The following HIPK3 variants were observed in gnomAD, a reference collection of about 807,000 sequenced individuals.
HIPK3 encodes the protein homeodomain-interacting protein kinase 3.
Under a neutral mutation model 124.2 loss-of-function variants are expected in HIPK3, and 47 were observed. The observed-to-expected ratio is 0.38, with a 90% CI of 0.30 to 0.48. The LOEUF (loss-of-function observed/expected upper bound fraction) is 0.48, where lower values mean the gene tolerates loss of function less well. HIPK3 is among the 20% of genes least tolerant of loss of function. The pLI is 0.98. For synonymous variants in HIPK3, 482 were observed against 515.2 expected (o/e 0.94, Z 0.87); for missense variants, 1,286 against 1,454.3 (o/e 0.88, Z 1.88).
intron 1 of HIPK3, among the ~76,000 whole-genome samples, chr11:33,259,081 C>CT (rs1379935113): frequency 9.2e-5 from 14 of 152,158 alleles, no homozygotes. Flanking sequence ...TCTGCTGACA[C>CT]TTTTTCCCTT....
Position 33,339,472 on chromosome 11 carries a change from T to G in HIPK3, c.1551T>G (p.Ala517=). The G allele has an allele frequency of 1.9e-6, 3 of 1,613,250 alleles. No homozygotes were observed. Among genetic ancestry groups the G allele is most frequent in the Middle Eastern group, 3.3e-4 (2 of 6,060 alleles). ...ATGCAGATTTAAGAATTACTCCAGCTGAGACCCTGAACCATCCTTTTGTTA... is the reference window on the plus strand; with the variant it reads ...ATGCAGATTTAAGAATTACTCCAGCGGAGACCCTGAACCATCCTTTTGTTA... ...LIDADLRITP[A]ETLNHPFVNM... Residue 517 remains alanine, a synonymous_variant, in exon 6 of 17, where the codon GCT becomes GCG. Transcript: ENST00000303296.
chr11:33,259,059 G>A (rs1321913030), intron 1 of HIPK3, among the ~76,000 whole-genome samples: 1 of 152,128 alleles, frequency 6.6e-6, no homozygotes, highest in Non-Finnish European at 1.5e-5. Flanking sequence ...GTACTTTCTA[G>A]TAGTTTGGAG....
intron 2 of HIPK3, among the ~76,000 whole-genome samples, chr11:33,327,616 C>G (rs954405109): frequency 6.6e-6 from 1 of 152,106 alleles, no homozygotes; most frequent in Non-Finnish European, 1.5e-5. Context: ...GGAGAATATT[C>G]TTCTTTGTAG....
chr11:33,342,673 G>A (rs1853371954), intron 8 of HIPK3, among the ~76,000 whole-genome samples: 1 of 151,844 alleles, frequency 6.6e-6, no homozygotes, highest in Non-Finnish European at 1.5e-5. Flanking sequence ...TTAGCCTCCC[G>A]AGTAGCTGGG....
intron 5 of HIPK3, 100 bp from the exon 6 acceptor site, chr11:33,339,250 C>G: frequency 2.5e-6 from 2 of 810,484 alleles, no homozygotes; most frequent in Non-Finnish European, 2.0e-6. Flanking sequence ...TCCCTCTCCT[C>G]TCCTGTGTTG....
chr11:33,323,551 T>G (rs1852726778), intron 2 of HIPK3, among the ~76,000 whole-genome samples: 1 of 152,206 alleles, frequency 6.6e-6, no homozygotes, highest in Non-Finnish European at 1.5e-5. Flanking sequence ...CTGGATTCCA[T>G]TTATATGAAA....
upstream of HIPK3, chr11:33,257,277 G>A (rs1850688874): frequency 3.1e-6 from 3 of 983,490 alleles, no homozygotes; most frequent in South Asian, 1.4e-4. Flanking sequence ...GCGGAGCGGA[G>A]CCGCCCGGGC....
At chr11:33,256,758 C>G (rs1590327258), upstream of HIPK3, 1 of 969,664 alleles carries the variant, frequency 1.0e-6, no homozygotes, top group African/African-American at 1.8e-5. Flanking sequence ...TGGAGGTGGG[C>G]GAACTTCACA....
At chr11:33,269,800 TAC>T (rs1468847457) in intron 1 of HIPK3, among the ~76,000 whole-genome samples, 3 of 152,154 alleles carry the variant, frequency 2.0e-5, no homozygotes, top group African/African-American at 7.2e-5. Context: ...GATAATTGTT[TAC>T]AGTGTCCCCT....
chr11:33,306,604 C>G (rs1483311972), intron 2 of HIPK3, among the ~76,000 whole-genome samples: 3 of 151,894 alleles, frequency 2.0e-5, no homozygotes, highest in Admixed American at 1.3e-4. Context: ...ATTGTGTCAC[C>G]CTGAGCAAGT....
chr11:33,352,049 C>T (rs1030794457), intron 15 of HIPK3, 89 bp from the exon 16 acceptor site: 8 of 1,307,750 alleles, frequency 6.1e-6, no homozygotes, highest in Admixed American at 3.9e-5. Flanking sequence ...GCTCTCAAAT[C>T]ACTATTGTGT....
At position 33,355,716 on chromosome 11, in the gene HIPK3, A is replaced by G. The variant is rs922176851; in HGVS notation, c.*2148A>G. ...TTGATTTTAAAAATTACAGTATTAG[A>G]TCATAAAGTAAAAACCAGCAGTACA... On this transcript the variant is annotated 3_prime_UTR_variant, in exon 17 of 17. Coordinates refer to ENST00000303296, the MANE Select transcript of HIPK3 (RefSeq NM_005734.5). The G allele has an allele frequency of 3.3e-5, 5 of 151,980 alleles. No homozygotes were observed. Among genetic ancestry groups the G allele is most frequent in the Non-Finnish European group, 7.4e-5 (5 of 67,858 alleles). The allele number at this position is 151,980 out of a possible 1,614,324, so 9.4% of individuals were successfully genotyped here.
intron 1 of HIPK3, among the ~76,000 whole-genome samples, chr11:33,274,368 C>T (rs1851216770): frequency 6.6e-6 from 1 of 151,984 alleles, no homozygotes; most frequent in Non-Finnish European, 1.5e-5. Context: ...TGTGGTGGTT[C>T]TTTTGAGACA....
chr11:33,311,975 T>TACACACACACACACACACACAC (rs71034672), intron 2 of HIPK3, among the ~76,000 whole-genome samples: 34 of 137,080 alleles, frequency 2.5e-4, no homozygotes, highest in East Asian at 9.2e-4. Flanking sequence ...ACCCTGTTTC[T>TACACACACACACACACACACAC]ACACACACAC....
At chr11:33,304,043 C>T (rs1247867656) in intron 2 of HIPK3, among the ~76,000 whole-genome samples, 5 of 152,094 alleles carry the variant, frequency 3.3e-5, no homozygotes, top group African/African-American at 9.7e-5. Flanking sequence ...CAGGTTCATG[C>T]GATTCCTCTG....
At chr11:33,268,411 T>G (rs1851030209) in intron 1 of HIPK3, among the ~76,000 whole-genome samples, 1 of 151,672 alleles carries the variant, frequency 6.6e-6, no homozygotes, top group African/African-American at 2.4e-5. Context: ...CCTGGGTATA[T>G]AGTGAGACTC....
chr11:33,286,938 G>A lies in HIPK3; in HGVS notation c.524G>A (p.Cys175Tyr). 1.9e-6 allele frequency: 3 copies of A among 1,614,160 alleles called. No individual in the cohort carries two copies. Among genetic ancestry groups the A allele is most frequent in the Non-Finnish European group, 2.5e-6 (3 of 1,180,014 alleles). Residue 175 changes from cysteine (C) to tyrosine (Y), a missense_variant, in exon 2 of 17, where the codon TGT becomes TAT. Transcript: ENST00000303296. ...GCTACCACAGGATCAAAACAGAATT[G>A]TACCACTGGAGAAGGTGACTATCAG... is the stretch of plus-strand genomic sequence containing the variant. ...VTATTGSKQN[C>Y]TTGEGDYQLV...
At chr11:33,336,913 A>G (rs1203077166) in intron 3 of HIPK3, among the ~76,000 whole-genome samples, 162 bp from the exon 4 acceptor site, 1 of 152,220 alleles carries the variant, frequency 6.6e-6, no homozygotes, top group Non-Finnish European at 1.5e-5. Flanking sequence ...TTATAATTCC[A>G]CATTATAATT....
chr11:33,327,686 T>G (rs1300630690), intron 2 of HIPK3, among the ~76,000 whole-genome samples: 1 of 152,184 alleles, frequency 6.6e-6, no homozygotes, highest in South Asian at 2.1e-4. Context: ...GGAAAAAATA[T>G]GTACTGTTCT....
Sources: gnomAD v4.1 joint callset for allele counts (sites outside exome capture counted in the v4.1 genomes callset) on GRCh38, gnomAD v4.1.1 for gene constraint, MANE v1.5 for transcripts, NCBI Gene and HGNC (gene_info 2026-07-23, HGNC 2026-07-21) for gene names.